Variants in GAS2L3 observed in about 807,000 individuals in gnomAD.
The protein encoded by GAS2L3 is GAS2-like protein 3.
GAS2L3 carries 28 observed loss-of-function variants against 37.0 expected under a neutral mutation model. The ratio of observed to expected loss-of-function variants is 0.76; its 90% CI spans 0.56 to 1.04. The LOEUF (loss-of-function observed/expected upper bound fraction) is 1.04, where lower values mean the gene tolerates loss of function less well. GAS2L3 is among the 50% of genes least tolerant of loss of function. The probability of loss-of-function intolerance (pLI) is 0.00; values close to 1 mark genes in which losing one functional copy is unlikely to be tolerated. For missense variants in GAS2L3, 793 were observed against 817.6 expected (o/e 0.97, Z 0.37); for synonymous variants, 290 against 296.6 (o/e 0.98, Z 0.23).
intron 2 of GAS2L3, chr12:100,592,332 C>T (rs80114292): frequency 2.0e-5 from 3 of 152,024 alleles, no homozygotes; most frequent in Non-Finnish European, 4.4e-5. Context: ...TACCTTATTT[C>T]TTTGCTTTTT....
intron 7 of GAS2L3, among the ~76,000 whole-genome samples, chr12:100,618,092 A>G (rs981377461): frequency 6.6e-6 from 1 of 152,126 alleles, no homozygotes; most frequent in Admixed American, 6.6e-5. Context: ...AAGGCAGTTC[A>G]AGTCAAAGCA....
At chr12:100,619,546 C>T (rs1421542439) in intron 8 of GAS2L3, among the ~76,000 whole-genome samples, 1 of 151,848 alleles carries the variant, frequency 6.6e-6, no homozygotes, top group East Asian at 1.9e-4. Context: ...TATCAGATAA[C>T]CTTGCAAGAC....
chr12:100,581,638 TC>T (rs1955713904), intron 1 of GAS2L3, among the ~76,000 whole-genome samples: 1 of 152,264 alleles, frequency 6.6e-6, no homozygotes, highest in Admixed American at 6.5e-5. Context: ...GTTTTTAATA[TC>T]TAGAAGTTAG....
In GAS2L3 at chr12:100,628,134, T is replaced by G. The variant is rs1956349413; in HGVS notation, c.*3244T>G. ...AAATCTGTTACTTTATTAAAAGGCT[T>G]CAACAACAGGTTGTTAGGATGTAGT... On this transcript the variant is annotated 3_prime_UTR_variant, in exon 10 of 10. Coordinates refer to ENST00000547754, the MANE Select transcript of GAS2L3 (RefSeq NM_174942.3). 1 of 152,242 alleles carries G rather than the reference T, an allele frequency of 6.6e-6. No individual in the cohort carries two copies. Among genetic ancestry groups the G allele is most frequent in the Non-Finnish European group, 1.5e-5 (1 of 68,036 alleles). The allele number at this position is 152,242 out of a possible 1,614,324, so 9.4% of individuals were successfully genotyped here.
intron 1 of GAS2L3, chr12:100,579,900 T>C: frequency 1.3e-6 from 1 of 757,444 alleles, no homozygotes. Context: ...TTTCCACACC[T>C]GAAGGAATGT....
At chr12:100,590,597 A>G (rs1329933018) in intron 1 of GAS2L3, among the ~76,000 whole-genome samples, 1 of 152,224 alleles carries the variant, frequency 6.6e-6, no homozygotes, top group African/African-American at 2.4e-5. Context: ...AAGTCATTCG[A>G]AAAAGATACT....
chr12:100,592,487 G>A (rs1410868055), intron 2 of GAS2L3: 4 of 152,178 alleles, frequency 2.6e-5, no homozygotes, highest in Middle Eastern at 3.4e-3. Flanking sequence ...ACGAAGGATC[G>A]GTTCAGTAGT....
Position 100,622,749 on chromosome 12 carries a change from T to TAAAAAAAAAAAAAAAAAAAA in GAS2L3, c.756+381_756+400dup. Among the ~76,000 whole-genome samples the TAAAAAAAAAAAAAAAAAAAA allele has an allele frequency of 2.6e-3, 70 of 26,840 alleles. 16 individuals carry two copies. The highest frequency in any genetic ancestry group is 3.2e-3 in the Non-Finnish European group (50 of 15,762). The allele number at this position is 26,840 out of a possible 152,430, so 17.6% of individuals were successfully genotyped here. The stretch of plus-strand genomic sequence containing the variant: ...ATCTAATAAGATTGAGTATCCATAG[T>TAAAAAAAAAAAAAAAAAAAA]AAAAAAAAAAAAAAAAAAAAAAAAA... On this transcript the variant is annotated intron_variant, in intron 9 of 9. Transcript: ENST00000547754.
Position 100,624,595 on chromosome 12 carries a change from T to G in GAS2L3, c.1790T>G (p.Phe597Cys), listed in dbSNP as rs1445606444. 1 of 1,614,044 alleles carries G rather than the reference T, an allele frequency of 6.2e-7. No individual in the cohort carries two copies. Among genetic ancestry groups the G allele is most frequent in the South Asian group, 1.1e-5 (1 of 91,078 alleles). Residue 597 changes from phenylalanine to cysteine, a missense_variant, in exon 10 of 10, where the codon TTT (phenylalanine) becomes TGT (cysteine). Transcript: ENST00000547754. ...TKKQPQNKSA[F>C]QKTGPSSLKS... is the part of the protein sequence containing the mutation. Reference sequence around the variant, plus strand: ...AAGCAGCCTCAGAATAAAAGTGCATTTCAGAAGACAGGACCCAGCTCCTTG... The same window carrying G: ...AAGCAGCCTCAGAATAAAAGTGCATGTCAGAAGACAGGACCCAGCTCCTTG...
At position 100,600,581 on chromosome 12, in the gene GAS2L3, T is replaced by G. The variant is rs763615758; in HGVS notation, c.187+31T>G. 2.6e-6 allele frequency: 4 copies of G among 1,548,148 alleles called. No individual in the cohort carries two copies. The East Asian group carries it at 9.0e-5, about 35-fold the overall frequency. ...GCTTGAAACAATACCCAAAATTGTATTATCTTATTCAATATGCATTTATTG... is the reference window on the plus strand; with the variant it reads ...GCTTGAAACAATACCCAAAATTGTAGTATCTTATTCAATATGCATTTATTG... On this transcript the variant is annotated intron_variant, in intron 4 of 9. Coordinates refer to ENST00000547754, the MANE Select transcript of GAS2L3 (RefSeq NM_174942.3).
At chr12:100,609,534 C>T (rs1357761115) in intron 5 of GAS2L3, among the ~76,000 whole-genome samples, 1 of 152,074 alleles carries the variant, frequency 6.6e-6, no homozygotes, top group African/African-American at 2.4e-5. Context: ...CACGCTTAGC[C>T]ACCCTGGTTG....
chr12:100,579,140 G>T lies in GAS2L3; in HGVS notation c.-152+5355G>T, dbSNP rs2136373892. ...AATCCATTCACATAGTTCATTTTCT[G>T]CCATGGCCCATGATGTTCTCTTCCA... On this transcript the variant is annotated intron_variant, in intron 1 of 9. Coordinates refer to ENST00000547754, the MANE Select transcript of GAS2L3 (RefSeq NM_174942.3). The T allele has an allele frequency of 7.2e-6, 5 of 692,902 alleles. No individual in the cohort carries two copies. The South Asian group carries it at 7.7e-5, about 11-fold the overall frequency. The allele number at this position is 692,902 out of a possible 1,614,324, so 42.9% of individuals were successfully genotyped here.
At chr12:100,575,574 C>T (rs1195081358) in intron 1 of GAS2L3, among the ~76,000 whole-genome samples, 2 of 149,858 alleles carry the variant, frequency 1.3e-5, no homozygotes, top group African/African-American at 4.9e-5. Context: ...CTCTGCCTCC[C>T]GGGTTCAAGC....
intron 5 of GAS2L3, among the ~76,000 whole-genome samples, chr12:100,608,281 G>T (rs1956081082): frequency 6.6e-6 from 1 of 152,010 alleles, no homozygotes; most frequent in African/African-American, 2.4e-5. Context: ...GGGATGGGGG[G>T]ACACAAGTAC....
chr12:100,614,573 A>G (rs1956164492), intron 6 of GAS2L3, among the ~76,000 whole-genome samples: 1 of 152,242 alleles, frequency 6.6e-6, no homozygotes, highest in Non-Finnish European at 1.5e-5. Context: ...TCACAATTTT[A>G]AAATGTACAT....
Position 100,623,977 on chromosome 12 carries a change from T to G in GAS2L3, c.1172T>G (p.Ile391Arg). 1 of 1,614,062 alleles carries G rather than the reference T, an allele frequency of 6.2e-7. No individual in the cohort carries two copies. Among genetic ancestry groups the G allele is most frequent in the Admixed American group, 1.7e-5 (1 of 59,994 alleles). The change falls in exon 10 of 10, where the codon ATA becomes AGA. Residue 391 changes from isoleucine to arginine, a missense_variant. Coordinates refer to ENST00000547754, the MANE Select transcript of GAS2L3 (RefSeq NM_174942.3). ...CCCAAGCTCAAGTCTTCAAAAGGCATAACGAAGAAACCGCAGGCTCCTTCA... is the reference window on the plus strand; with the variant it reads ...CCCAAGCTCAAGTCTTCAAAAGGCAGAACGAAGAAACCGCAGGCTCCTTCA... Reference protein sequence around the residue: ...SHPKLKSSKGITKKPQAPSNN... With the variant: ...SHPKLKSSKGRTKKPQAPSNN...
At chr12:100,621,881 G>GGGGGGA in intron 8 of GAS2L3, among the ~76,000 whole-genome samples, 1 of 128,944 alleles carries the variant, frequency 7.8e-6, no homozygotes, top group East Asian at 2.6e-4. Flanking sequence ...GGGTGGGGGG[G>GGGGGGA]GGAGAGAGAG....
At chr12:100,576,267 T>C (rs776857099) in intron 1 of GAS2L3, among the ~76,000 whole-genome samples, 33 of 152,218 alleles carry the variant, frequency 2.2e-4, no homozygotes, top group African/African-American at 7.2e-4. Context: ...CCTTTTTTTT[T>C]CCTATCAATT....
At chr12:100,583,048 A>G (rs559612986) in intron 1 of GAS2L3, among the ~76,000 whole-genome samples, 2 of 152,144 alleles carry the variant, frequency 1.3e-5, no homozygotes, top group Non-Finnish European at 2.9e-5. Context: ...CTTTACCCCC[A>G]AGAGAGGGTT....
Sources: gnomAD v4.1 joint callset for allele counts (sites outside exome capture counted in the v4.1 genomes callset) on GRCh38, gnomAD v4.1.1 for gene constraint, MANE v1.5 for transcripts, NCBI Gene and HGNC (gene_info 2026-07-23, HGNC 2026-07-21) for gene names.